Variants in LLGL2 observed in about 807,000 individuals in gnomAD.
LLGL2 encodes LLGL2, scribble cell polarity complex component.
A neutral mutation model predicts 123.2 loss-of-function variants in LLGL2; 81 were observed. That is an observed-to-expected ratio of 0.66 (90% CI 0.55 to 0.79). The LOEUF is 0.79. Ranked by LOEUF, LLGL2 falls within the 30% of genes least tolerant of loss-of-function variation. The pLI is 0.00. For synonymous variants in LLGL2, 577 were observed against 594.1 expected, an observed-to-expected ratio of 0.97 and a Z score of 0.42; for missense variants, 1,273 against 1,414.6, an observed-to-expected ratio of 0.90 and a Z score of 1.61.
In LLGL2 at chr17:75,526,897, T is replaced by A. The variant is rs2053593349; in HGVS notation, c.-31+1072T>A. On this transcript the variant is annotated intron_variant, in intron 1 of 25. Transcript: ENST00000392550. ...GAAGTGGCAGTTGAGGCTGGGTGCA[T>A]TGGCTCACAGCTGTAATCCCAGCAC... is the stretch of plus-strand genomic sequence containing the variant. Among the ~76,000 whole-genome samples the A allele has an allele frequency of 2.6e-5, 4 of 152,108 alleles. No homozygotes were observed. The South Asian group carries it at 8.3e-4, about 32-fold the overall frequency.
In LLGL2 at chr17:75,570,241, G is replaced by A. The variant is rs745825946; in HGVS notation, c.1860G>A (p.Arg620=). ...GFGLFDHQQR[R]QVFVKCTLHP... ...GCCTCTTTGACCACCAGCAGCGGCG[G>A]CAGGTCTTTGTTAAGTGAGCAGGGG... Residue 620 remains arginine, a synonymous_variant, in exon 15 of 26, where the codon CGG becomes CGA. Coordinates refer to ENST00000392550, the MANE Select transcript of LLGL2 (RefSeq NM_001031803.2). 1.9e-6 allele frequency: 3 copies of A among 1,601,142 alleles called. No individual in the cohort carries two copies. Among genetic ancestry groups the A allele is most frequent in the African/African-American group, 2.7e-5 (2 of 74,754 alleles).
intron 1 of LLGL2, among the ~76,000 whole-genome samples, chr17:75,531,978 A>G (rs1474060473): frequency 1.3e-5 from 2 of 149,128 alleles, no homozygotes; most frequent in Non-Finnish European, 3.0e-5. Flanking sequence ...CACCTGACTT[A>G]GTGTTCCCAG....
chr17:75,545,289 T>A (rs2054375244), intron 2 of LLGL2, among the ~76,000 whole-genome samples: 1 of 152,210 alleles, frequency 6.6e-6, no homozygotes, highest in Admixed American at 6.5e-5. Flanking sequence ...TCTCCTGCTC[T>A]GCCTTCTTCT....
In LLGL2 at chr17:75,558,220, A is replaced by G. The variant is rs755890954; in HGVS notation, c.239A>G (p.His80Arg). The G allele has an allele frequency of 6.2e-7, 1 of 1,612,594 alleles. No homozygotes were observed. Among genetic ancestry groups the G allele is most frequent in the East Asian group, 2.2e-5 (1 of 44,840 alleles). Residue 80 changes from histidine to arginine, a missense_variant, in exon 4 of 26, where the codon CAC becomes CGC. By Grantham distance (29) the His-to-Arg change is conservative (BLOSUM62 0). Transcript: ENST00000392550. The surrounding 1 kb of genome is among the most constrained non-coding windows in gnomAD (Gnocchi z 4.0). ...HQENNAVTQI[H>R]LLPGQCQLVT... ...GAGAACAACGCTGTGACGCAGATCC[A>G]CCTCCTGCCCGGCCAGGTGAGGGAC...
chr17:75,552,206 C>T (rs2054706879), intron 2 of LLGL2, among the ~76,000 whole-genome samples: 1 of 152,020 alleles, frequency 6.6e-6, no homozygotes, highest in Non-Finnish European at 1.5e-5. Context: ...TCCAGCTGGT[C>T]AAGGTGGCTC....
At chr17:75,538,908 T>C (rs987909905) in intron 1 of LLGL2, among the ~76,000 whole-genome samples, 1 of 146,610 alleles carries the variant, frequency 6.8e-6, no homozygotes, top group African/African-American at 2.6e-5. Flanking sequence ...TTCTTTTTTT[T>C]AGAAACAAGA....
chr17:75,569,877 C>G, intron 14 of LLGL2, 86 bp from the exon 15 acceptor site: 1 of 1,418,630 alleles, frequency 7.0e-7, no homozygotes, highest in Non-Finnish European at 9.5e-7. Context: ...TTGGGCCCAG[C>G]TCCTTTGCTG....
chr17:75,569,762 C>T (rs2055611219), intron 14 of LLGL2, among the ~76,000 whole-genome samples: 1 of 151,102 alleles, frequency 6.6e-6, no homozygotes, highest in African/African-American at 2.4e-5. Flanking sequence ...GAGATTGTGC[C>T]ACTGCGCTCC....
At chr17:75,571,468 C>T (rs918722497) in intron 17 of LLGL2, 199 bp from the exon 18 acceptor site, 4 of 595,694 alleles carry the variant, frequency 6.7e-6, no homozygotes, top group Non-Finnish European at 1.2e-5. Flanking sequence ...GTGTCTCTCC[C>T]TGGCTGGTTC....
intron 6 of LLGL2, among the ~76,000 whole-genome samples, chr17:75,560,596 C>T (rs888589377): frequency 2.7e-5 from 4 of 148,864 alleles, no homozygotes; most frequent in African/African-American, 9.7e-5. Flanking sequence ...AAGCTATTCT[C>T]CTGCCTCAGC....
intron 1 of LLGL2, among the ~76,000 whole-genome samples, chr17:75,539,318 C>T (rs1197735150): frequency 6.6e-6 from 1 of 152,162 alleles, no homozygotes; most frequent in Non-Finnish European, 1.5e-5. Flanking sequence ...ACCGTAGCCT[C>T]CCAAAGTGGA....
At chr17:75,551,369 G>C (rs1325212396) in intron 2 of LLGL2, among the ~76,000 whole-genome samples, 1 of 152,124 alleles carries the variant, frequency 6.6e-6, no homozygotes, top group East Asian at 1.9e-4. Context: ...ATGAAGCTCA[G>C]GGAGGCCCAG....
chr17:75,557,034 C>CTTTTTTTTTTTTTTTTTTTTTT (rs55649536), intron 3 of LLGL2, among the ~76,000 whole-genome samples: 1 of 109,890 alleles, frequency 9.1e-6, no homozygotes, highest in African/African-American at 4.7e-5. Context: ...GTCTCAAAAA[C>CTTTTTTTTTTTTTTTTTTTTTT]TTTTTTTTTT....
chr17:75,568,189 A>AGCT, intron 10 of LLGL2: 1 of 1,336,156 alleles, frequency 7.5e-7, no homozygotes, highest in East Asian at 3.0e-5. Context: ...TGGCAGGCAC[A>AGCT]GCTGCATGCC....
chr17:75,532,055 T>TATAC (rs1555648011), intron 1 of LLGL2, among the ~76,000 whole-genome samples: 6 of 93,768 alleles, frequency 6.4e-5, no homozygotes, highest in Non-Finnish European at 1.1e-4. Context: ...TATGTATATA[T>TATAC]ACACACACAC....
intron 21 of LLGL2, 109 bp from the exon 22 acceptor site, chr17:75,573,843 T>A: frequency 2.9e-6 from 4 of 1,386,694 alleles, no homozygotes; most frequent in Non-Finnish European, 4.0e-6. Context: ...TCCCAGGCTC[T>A]CCGGCTCAGG....
In LLGL2 at chr17:75,570,487, C is replaced by G. The variant is rs746116098; in HGVS notation, c.2014C>G (p.Pro672Ala). The G allele has an allele frequency of 1.0e-5, 16 of 1,574,376 alleles. No homozygotes were observed. Among genetic ancestry groups the G allele is most frequent in the Admixed American group, 3.7e-5 (2 of 54,118 alleles). Residue 672 changes from proline (P) to alanine (A), a missense_variant, in exon 16 of 26, where the codon CCC becomes GCC. Physicochemically the swap from Pro to Ala is conservative, Grantham distance 27. Coordinates refer to ENST00000392550, the MANE Select transcript of LLGL2 (RefSeq NM_001031803.2). Reference protein sequence around the residue: ...VSSRKRHPAGPPGEAQEGSAK... With the variant: ...VSSRKRHPAGAPGEAQEGSAK... ...CAGCCGGAAGCGGCACCCGGCTGGC[C>G]CCCCAGGAGAGGTGAGGCCTGAGGT...
chr17:75,573,906 G>A, intron 21 of LLGL2, 46 bp from the exon 22 acceptor site: 1 of 1,548,048 alleles, frequency 6.5e-7, no homozygotes, highest in Non-Finnish European at 8.7e-7. Context: ...TCAGAGCCGG[G>A]CAGGGAGCCC....
At chr17:75,532,833 A>G (rs1357813498) in intron 1 of LLGL2, among the ~76,000 whole-genome samples, 2 of 152,224 alleles carry the variant, frequency 1.3e-5, no homozygotes, top group Admixed American at 6.5e-5. Flanking sequence ...GATGCCAGGC[A>G]TGACGTCCAC....
Sources: allele counts gnomAD v4.1 joint callset (sites outside exome capture counted in the v4.1 genomes callset), GRCh38; gene constraint gnomAD v4.1.1; non-coding constraint Gnocchi (gnomAD v3.1); transcripts MANE v1.5; gene names NCBI Gene and HGNC (gene_info 2026-07-23, HGNC 2026-07-21).